Variants in CYRIB observed in about 807,000 individuals in gnomAD.
The protein encoded by CYRIB is CYFIP related Rac1 interactor B.
Under a neutral mutation model 44.2 loss-of-function variants are expected in CYRIB, and 8 were observed. The ratio of observed to expected loss-of-function variants is 0.18; its 90% CI spans 0.11 to 0.33. The LOEUF is 0.33. CYRIB is among the 10% of genes least tolerant of loss of function. CYRIB has a pLI of 1.00. For missense variants in CYRIB, 185 were observed against 382.8 expected (o/e 0.48, Z 4.31); for synonymous variants, 131 against 127.2 (o/e 1.03, Z -0.20).
intron 2 of CYRIB, among the ~76,000 whole-genome samples, chr8:129,966,588 C>G (rs1470096481): frequency 6.6e-6 from 1 of 152,170 alleles, no homozygotes; most frequent in Admixed American, 6.5e-5. Context: ...AAAGGCCAGG[C>G]GCAGTGGCTC....
At chr8:129,867,322 A>G (rs531217256) in intron 4 of CYRIB, among the ~76,000 whole-genome samples, 67 of 142,800 alleles carry the variant, frequency 4.7e-4, no homozygotes, top group Non-Finnish European at 9.2e-4. Context: ...ATGCGGTTTT[A>G]CTATGTTAAT....
chr8:129,927,283 C>CT (rs1249793041), intron 1 of CYRIB, among the ~76,000 whole-genome samples: 1 of 152,108 alleles, frequency 6.6e-6, no homozygotes, highest in Non-Finnish European at 1.5e-5. Flanking sequence ...CAGTGAGACT[C>CT]TGTCTCCACA....
intron 1 of CYRIB, among the ~76,000 whole-genome samples, chr8:129,989,041 C>T (rs2096555974): frequency 6.6e-6 from 1 of 152,158 alleles, no homozygotes; most frequent in Non-Finnish European, 1.5e-5. Context: ...GGCTGACCTG[C>T]CAGGACAAAT....
intron 1 of CYRIB, among the ~76,000 whole-genome samples, chr8:130,007,827 G>C (rs1418566620): frequency 2.0e-5 from 3 of 151,950 alleles, no homozygotes; most frequent in Admixed American, 2.0e-4. Flanking sequence ...CTTGCTCCAT[G>C]CTCCATAAAA....
At chr8:129,865,549 G>A (rs987167743) in intron 4 of CYRIB, among the ~76,000 whole-genome samples, 4 of 152,174 alleles carry the variant, frequency 2.6e-5, no homozygotes, top group Admixed American at 6.5e-5. Context: ...CTGCTTCTGA[G>A]AGAAAAGTTT....
intron 4 of CYRIB, 61 bp downstream of exon 6, chr8:129,871,314 G>A: frequency 6.5e-7 from 1 of 1,538,180 alleles, no homozygotes; most frequent in Non-Finnish European, 8.7e-7. Flanking sequence ...GAAAACAAGA[G>A]ATTACAAAGA....
intron 1 of CYRIB, among the ~76,000 whole-genome samples, chr8:129,924,367 G>A (rs2086137149): frequency 1.4e-5 from 2 of 146,312 alleles, no homozygotes; most frequent in African/African-American, 5.0e-5. Context: ...TCAATAAGGG[G>A]TAGATCTGTT....
At chr8:130,005,122 A>AATTTTTT (rs1475545522) in intron 1 of CYRIB, among the ~76,000 whole-genome samples, 1 of 150,926 alleles carries the variant, frequency 6.6e-6, no homozygotes, top group Non-Finnish European at 1.5e-5. Flanking sequence ...AACTTCACAG[A>AATTTTTT]ATTTTTTATT....
At chr8:130,001,972 T>G (rs1466920580) in intron 1 of CYRIB, among the ~76,000 whole-genome samples, 1 of 152,180 alleles carries the variant, frequency 6.6e-6, no homozygotes, top group Non-Finnish European at 1.5e-5. Flanking sequence ...CTAGGAGATG[T>G]CTATGGTGGC....
chr8:129,959,059 CAAAAAA>C (rs60576774), intron 2 of CYRIB, among the ~76,000 whole-genome samples: 1,523 of 68,310 alleles, frequency 0.022, 6 homozygotes, highest in Middle Eastern at 0.087. Flanking sequence ...GACTCTGTCT[CAAAAAA>C]AAAAAAAAAA....
At chr8:129,961,260 C>T (rs769312661) in intron 2 of CYRIB, among the ~76,000 whole-genome samples, 2 of 152,172 alleles carry the variant, frequency 1.3e-5, no homozygotes, top group Admixed American at 6.5e-5. Flanking sequence ...TCAGCTAACC[C>T]TACTTCATTC....
chr8:129,973,515 C>T (rs1285992335), intron 1 of CYRIB, among the ~76,000 whole-genome samples: 2 of 152,216 alleles, frequency 1.3e-5, no homozygotes, highest in Non-Finnish European at 2.9e-5. Context: ...AGCCCAGGTC[C>T]TCTCCTTCCC....
intron 2 of CYRIB, among the ~76,000 whole-genome samples, chr8:129,954,363 C>G (rs2094672331): frequency 1.3e-5 from 2 of 152,114 alleles, no homozygotes; most frequent in African/African-American, 4.8e-5. Flanking sequence ...GCTGGGATTA[C>G]AGGTGCTGGC....
chr8:129,968,659 C>T (rs779853690), intron 2 of CYRIB, among the ~76,000 whole-genome samples: 6 of 152,132 alleles, frequency 3.9e-5, no homozygotes, highest in African/African-American at 4.8e-5. Context: ...CCAGTTCTTA[C>T]GTTAATTTTT....
intron 1 of CYRIB, among the ~76,000 whole-genome samples, chr8:129,931,149 TAA>T (rs780491481): frequency 7.0e-6 from 1 of 143,548 alleles, no homozygotes; most frequent in Admixed American, 7.0e-5. Flanking sequence ...CCTACTCCCC[TAA>T]AAAAAAAAAG....
chr8:129,895,638 ATTTTCTG>A (rs1316391511), intron 2 of CYRIB, among the ~76,000 whole-genome samples: 1 of 152,070 alleles, frequency 6.6e-6, no homozygotes, highest in Non-Finnish European at 1.5e-5. Context: ...ACATAAATTC[ATTTTCTG>A]TTGCTAAACC....
In CYRIB at chr8:129,850,648, A is replaced by C. The variant is rs548206868; in HGVS notation, c.713+187T>G. 31 of 599,910 alleles carry C rather than the reference A, an allele frequency of 5.2e-5. 2 individuals are homozygous for C. In the South Asian group the frequency reaches 6.1e-4, roughly 12 times the overall value. The allele number at this position is 599,910 out of a possible 1,614,324, so 37.2% of individuals were successfully genotyped here. A position where few individuals can be genotyped will look rare whatever the true frequency, so the allele number is the denominator to read the frequency against. On this transcript the variant is annotated intron_variant, in intron 9 of 11. Transcript: ENST00000519824. ...GACCAACTAACTCTATTTTATACTT[A>C]ACCAGAAGTTACGTTAAATAGCCAA... is the stretch of plus-strand genomic sequence containing the variant.
intron 7 of CYRIB, 58 bp downstream of exon 9, chr8:129,854,208 G>T (rs2044870007): frequency 4.0e-6 from 5 of 1,251,266 alleles, no homozygotes; most frequent in South Asian, 1.3e-5. Context: ...ATAATAAAAT[G>T]AACAGGCTGA....
chr8:129,949,045 G>A (rs1175394952), intron 2 of CYRIB: 4 of 152,078 alleles, frequency 2.6e-5, no homozygotes, highest in Admixed American at 6.5e-5. Flanking sequence ...ATTGCACTCT[G>A]GCCTGGGCGA....
Sources: gnomAD v4.1 joint callset for allele counts (sites outside exome capture counted in the v4.1 genomes callset) on GRCh38, gnomAD v4.1.1 for gene constraint, MANE v1.5 for transcripts, NCBI Gene and HGNC (gene_info 2026-07-23, HGNC 2026-07-21) for gene names.